The following CD163L1 variants were observed in gnomAD, a reference collection of about 807,000 sequenced individuals.
CD163L1 encodes the protein scavenger receptor cysteine-rich type 1 protein M160.
A neutral mutation model predicts 165.4 loss-of-function variants in CD163L1; 124 were observed. The ratio of observed to expected loss-of-function variants is 0.75; its 90% CI spans 0.65 to 0.87. The LOEUF (loss-of-function observed/expected upper bound fraction) is 0.87. CD163L1 is among the 40% of genes least tolerant of loss of function. The pLI, the probability that CD163L1 is intolerant of heterozygous loss-of-function variation, is 0.00. For missense variants in CD163L1, 1,525 were observed against 1,799.9 expected (o/e 0.85, Z 2.76); for synonymous variants, 585 against 662.2 (o/e 0.88, Z 1.79).
At chr12:7,403,890 GT>G (rs770647732) in intron 5 of CD163L1, 35 bp from the exon 6 acceptor site, 2 of 1,585,560 alleles carry the variant, frequency 1.3e-6, no homozygotes, top group Admixed American at 1.7e-5. Context: ...TCTGAATTGG[GT>G]TTGGGACAAT....
chr12:7,433,299 G>C (rs751852996), intron 3 of CD163L1, 75 bp downstream of exon 3: 1 of 1,350,052 alleles, frequency 7.4e-7, no homozygotes, highest in South Asian at 1.5e-5. Flanking sequence ...AGTCATAATA[G>C]AAACCCCTAC....
At chr12:7,361,020 G>C (rs899435223) in intron 18 of CD163L1, among the ~76,000 whole-genome samples, 2 of 152,100 alleles carry the variant, frequency 1.3e-5, no homozygotes, top group Non-Finnish European at 2.9e-5. Context: ...GTTAGGTTCA[G>C]ATTGCAAGTT....
At chr12:7,328,175 G>A in the CD163L1 span, 64 of 755,536 alleles carry the variant, frequency 8.5e-5, no homozygotes, top group Non-Finnish European at 1.3e-4. Flanking sequence ...CTTAGGCTAA[G>A]ATAATCTCGA....
chr12:7,443,942 C>T (rs1362646125), intron 1 of CD163L1, among the ~76,000 whole-genome samples, 155 bp downstream of exon 1: 3 of 152,178 alleles, frequency 2.0e-5, no homozygotes, highest in Non-Finnish European at 4.4e-5. Context: ...TGCTGCTACT[C>T]TAAGTTCCAC....
chr12:7,398,356 A>G lies in CD163L1; in HGVS notation c.1637T>C (p.Ile546Thr), dbSNP rs374577162. The change falls in exon 7 of 20, where the codon ATT becomes ACT. Residue 546 changes from isoleucine (I) to threonine (T), a missense_variant. By Grantham distance (89) the Ile-to-Thr change is moderately conservative. Transcript: ENST00000313599. This position sits in a 1 kb window ranked among gnomAD's most constrained non-coding sequence, Gnocchi z 4.5. The part of the protein sequence containing the change: ...GPIWLDDVSC[I>T]GNESNIWDCE... ...GTCCCAGATATTTGACTCATTTCCAATGCAAGAAACGTCATCCAGCCAAAT... is the reference window on the plus strand; with the variant it reads ...GTCCCAGATATTTGACTCATTTCCAGTGCAAGAAACGTCATCCAGCCAAAT... The G allele has an allele frequency of 7.5e-5, 121 of 1,614,058 alleles. No homozygotes were observed. The highest frequency in any genetic ancestry group is 9.7e-5 in the Non-Finnish European group (114 of 1,180,024).
chr12:7,375,075 C>T lies in CD163L1; in HGVS notation c.3002-152G>A, dbSNP rs539131785. On this transcript the variant is annotated intron_variant, in intron 11 of 19. Transcript: ENST00000313599. Reference sequence around the variant, plus strand: ...ATCATTTTTATTAATGATGTCTACTCGTAAATCCCAAACACAGAGGTGTTA... The same window carrying T: ...ATCATTTTTATTAATGATGTCTACTTGTAAATCCCAAACACAGAGGTGTTA... 169 of 865,154 alleles carry T rather than the reference C, an allele frequency of 2.0e-4. 2 individuals are homozygous for T. Among genetic ancestry groups the T allele is most frequent in the East Asian group, 8.7e-4 (33 of 38,104 alleles). The allele number at this position is 865,154 out of a possible 1,614,324, so 53.6% of individuals were successfully genotyped here. A position where few individuals can be genotyped will look rare whatever the true frequency, so the allele number is the denominator to read the frequency against.
chr12:7,380,963 A>G (rs1186280368), intron 8 of CD163L1, among the ~76,000 whole-genome samples: 3 of 152,244 alleles, frequency 2.0e-5, no homozygotes, highest in African/African-American at 4.8e-5. Flanking sequence ...GTGCTGTGGC[A>G]TAGTCTGTGA....
At chr12:7,407,380 T>C (rs1294436126) in intron 4 of CD163L1, among the ~76,000 whole-genome samples, 6 of 152,072 alleles carry the variant, frequency 3.9e-5, no homozygotes, top group African/African-American at 1.4e-4. Context: ...AATTTACTCT[T>C]GAATGAAATG....
downstream of CD163L1, among the ~76,000 whole-genome samples, chr12:7,345,602 C>T (rs1256520225): frequency 6.6e-6 from 1 of 152,228 alleles, no homozygotes; most frequent in Admixed American, 6.5e-5. Flanking sequence ...CTGCCTATTA[C>T]CAAGTTCTAA....
chr12:7,357,388 C>G lies in CD163L1; in HGVS notation c.*16G>C. The G allele has an allele frequency of 6.2e-7, 1 of 1,608,790 alleles. No homozygotes were observed. ...AATACTTCTCAACTTACCTGGTGAGCCCTGGAAGTCTAAAGTCATTTTGTG... is the reference window on the plus strand; with the variant it reads ...AATACTTCTCAACTTACCTGGTGAGGCCTGGAAGTCTAAAGTCATTTTGTG... On this transcript the variant is annotated 3_prime_UTR_variant, in exon 19 of 20. Transcript: ENST00000313599.
In CD163L1 at chr12:7,398,327, C is replaced by T. The variant is rs759238557; in HGVS notation, c.1666G>A (p.Glu556Lys). Residue 556 changes from glutamate to lysine, a missense_variant, in exon 7 of 20, where the codon GAA (glutamate) becomes AAA (lysine). Physicochemically the swap from Glu to Lys is moderately conservative, Grantham distance 56. Coordinates refer to ENST00000313599, the MANE Select transcript of CD163L1 (RefSeq NM_174941.6). This position sits in a 1 kb window ranked among gnomAD's most constrained non-coding sequence, Gnocchi z 4.5. ...IGNESNIWDC[E>K]HSGWGKHNCV... ...TTATGCTTTCCCCATCCACTGTGTT[C>T]ACAGTCCCAGATATTTGACTCATTT... The T allele has an allele frequency of 6.6e-5, 107 of 1,614,182 alleles. No homozygotes were observed. The South Asian group carries it at 1.1e-3, about 16-fold the overall frequency.
downstream of CD163L1, among the ~76,000 whole-genome samples, chr12:7,352,634 C>T (rs35801163): frequency 0.059 from 8,925 of 152,092 alleles, 374 homozygotes; most frequent in East Asian, 0.16. Flanking sequence ...AATATTTAAC[C>T]AATTATTGGC....
At position 7,433,570 on chromosome 12, in the gene CD163L1, A is replaced by G. The variant is rs1948666825; in HGVS notation, c.249T>C (p.Thr83=). The part of the protein sequence containing the change: ...CDDGWNTTAS[T]VVCKQLGCPF... The stretch of plus-strand genomic sequence containing the variant: ...GACATCCAAGCTGTTTGCACACGAC[A>G]GTTGAGGCAGTAGTGTTCCACCCAT... The change falls in exon 3 of 20, where the codon ACT becomes ACC. Residue 83 remains threonine (T), a synonymous_variant. Transcript: ENST00000313599. 1 of 1,614,056 alleles carries G rather than the reference A, an allele frequency of 6.2e-7. No individual in the cohort carries two copies. Among genetic ancestry groups the G allele is most frequent in the Non-Finnish European group, 8.5e-7 (1 of 1,180,012 alleles).
chr12:7,433,449 G>T lies in CD163L1; in HGVS notation c.370C>A (p.Leu124Ile), dbSNP rs780539397. 6.2e-7 allele frequency: 1 copy of T among 1,613,770 alleles called. No homozygotes were observed. Among genetic ancestry groups the T allele is most frequent in the Non-Finnish European group, 8.5e-7 (1 of 1,179,800 alleles). ...CATTCCCGGTGTTGACATTCCCAGAGAGCTGACTCATTTCCATAACAGGAA... is the reference window on the plus strand; with the variant it reads ...CATTCCCGGTGTTGACATTCCCAGATAGCTGACTCATTTCCATAACAGGAA... ...DVSCYGNESA[L>I]WECQHREWGS... is the part of the protein sequence containing the mutation. The change falls in exon 3 of 20, where the codon CTC becomes ATC. Residue 124 changes from leucine (L) to isoleucine (I), a missense_variant. Transcript: ENST00000313599.
intron 9 of CD163L1, 146 bp downstream of exon 9, chr12:7,378,832 G>T: frequency 2.0e-6 from 1 of 504,864 alleles, no homozygotes; most frequent in Non-Finnish European, 3.3e-6. Context: ...TTATATACCT[G>T]TCTTCTAGAT....
In CD163L1 at chr12:7,412,642, GA is replaced by G. The variant is rs535543498; in HGVS notation, c.767-5791del. Among the ~76,000 whole-genome samples the G allele has an allele frequency of 8.0e-4, 118 of 148,276 alleles. 1 individual carries two copies. The South Asian group carries it at 0.018, about 23-fold the overall frequency. ...GAGTATAAAAAGAGGAAGATCACAG[GA>G]AAAAAAAAATGTGTATTACCAGTAA... On this transcript the variant is annotated intron_variant, in intron 4 of 19. Coordinates refer to ENST00000313599, the MANE Select transcript of CD163L1 (RefSeq NM_174941.6).
At chr12:7,354,555 A>C (rs935477668), downstream of CD163L1, among the ~76,000 whole-genome samples, 1 of 152,160 alleles carries the variant, frequency 6.6e-6, no homozygotes, top group African/African-American at 2.4e-5. Flanking sequence ...TAGGAGTAGG[A>C]TACGTATGGA....
intron 6 of CD163L1, among the ~76,000 whole-genome samples, chr12:7,402,575 C>CT (rs542153999): frequency 2.0e-5 from 3 of 151,988 alleles, no homozygotes; most frequent in Non-Finnish European, 4.4e-5. Flanking sequence ...CTAGATATTC[C>CT]TTTTTTTCCC....
chr12:7,401,668 T>C (rs796812245), intron 6 of CD163L1, among the ~76,000 whole-genome samples: 18 of 152,222 alleles, frequency 1.2e-4, no homozygotes, highest in African/African-American at 4.3e-4. Flanking sequence ...TTAAGATAGA[T>C]TAGTAATGGC....
Sources: allele counts gnomAD v4.1 joint callset (sites outside exome capture counted in the v4.1 genomes callset), GRCh38; gene constraint gnomAD v4.1.1; non-coding constraint Gnocchi (gnomAD v3.1); transcripts MANE v1.5; gene names NCBI Gene and HGNC (gene_info 2026-07-23, HGNC 2026-07-21).